CELF2: variants seen among roughly 807,000 people sequenced by gnomAD.
CELF2 encodes CUGBP Elav-like family member 2.
CELF2 carries 8 observed loss-of-function variants against 62.6 expected under a neutral mutation model. The observed-to-expected ratio is 0.13, with a 90% CI of 0.07 to 0.23. The LOEUF (loss-of-function observed/expected upper bound fraction) is 0.23, where lower values mean the gene tolerates loss of function less well. Ranked by LOEUF, CELF2 falls within the 10% of genes least tolerant of loss-of-function variation. The pLI is 1.00. For synonymous variants in CELF2, 258 were observed against 250.0 expected (o/e 1.03, Z -0.30); for missense variants, 333 against 671.0 (o/e 0.50, Z 5.56).
intron 1 of CELF2, among the ~76,000 whole-genome samples, chr10:11,065,443 A>T (rs899918829): frequency 1.3e-5 from 2 of 152,178 alleles, no homozygotes; most frequent in African/African-American, 4.8e-5. Flanking sequence ...GTAGAAATAA[A>T]TGCGGTACAC....
rs369906921 is a variant in CELF2 at position 11,246,923 on chromosome 10, G to A, written c.355-2230G>A. Among the ~76,000 whole-genome samples, 30 of 152,266 alleles carry A rather than the reference G, an allele frequency of 2.0e-4. No individual in the cohort carries two copies. Among genetic ancestry groups the A allele is most frequent in the South Asian group, 1.7e-3 (8 of 4,824 alleles). On this transcript the variant is annotated intron_variant, in intron 3 of 12. Transcript: ENST00000633077. The surrounding 1 kb of genome is among the most constrained non-coding windows in gnomAD (Gnocchi z 4.6). ...CCTTAGCATGTCCAGACCTGCGCTC[G>A]TCAGCCGCCTCTGAAACTCTTTGCT... is the stretch of plus-strand genomic sequence containing the variant.
chr10:10,914,712 A>G (rs898619021), intron 1 of CELF2, among the ~76,000 whole-genome samples: 6 of 152,190 alleles, frequency 3.9e-5, no homozygotes, highest in Non-Finnish European at 7.3e-5. Context: ...CCAAGGATAT[A>G]CAACTTATCA....
chr10:11,289,552 A>C (rs189018143), intron 9 of CELF2, among the ~76,000 whole-genome samples: 39 of 152,304 alleles, frequency 2.6e-4, no homozygotes, highest in African/African-American at 8.4e-4. Context: ...TATCTAAGAC[A>C]TTTCACCTGG....
rs11388167 is a variant in CELF2, at chr10:11,261,418, C to CTTT, written c.538+3558_538+3560dup. 4.1e-5 allele frequency among the ~76,000 whole-genome samples: 6 copies of CTTT among 146,134 alleles called. No homozygotes were observed. In the South Asian group the frequency reaches 6.5e-4, roughly 16 times the overall value. On this transcript the variant is annotated intron_variant, in intron 5 of 12. Coordinates refer to ENST00000633077, the MANE Select transcript of CELF2 (RefSeq NM_001326342.2). ...CTATACTTTCAGTCGGAATCACTGC[C>CTTT]TTTTTTTTTTTTTTGTAAGTCGTGA...
the CELF2 span, among the ~76,000 whole-genome samples, chr10:10,667,175 C>T: frequency 5.9e-5 from 9 of 152,164 alleles, no homozygotes; most frequent in African/African-American, 2.2e-4. Context: ...GAATTGGTCT[C>T]CTGGCGTTGT....
intron 2 of CELF2, among the ~76,000 whole-genome samples, chr10:10,954,209 T>C (rs944464699): frequency 2.6e-5 from 3 of 115,904 alleles, no homozygotes; most frequent in Non-Finnish European, 5.3e-5. Flanking sequence ...TTTGGCAATT[T>C]ATTTATTATT....
At chr10:11,092,359 TC>T (rs1236257819) in intron 1 of CELF2, 1 of 152,230 alleles carries the variant, frequency 6.6e-6, no homozygotes, top group African/African-American at 2.4e-5. Context: ...CACCACTTTA[TC>T]CTTGATCTCA....
rs201589354 is a variant in CELF2 at position 10,996,154 on chromosome 10, A to G, written c.89+76155A>G. Among the ~76,000 whole-genome samples the G allele has an allele frequency of 1.2e-4, 18 of 152,336 alleles. No homozygotes were observed. The East Asian group carries it at 3.5e-3, about 29-fold the overall frequency. ...GGCCAAATTCAAAGATATCTTCAAA[A>G]TCAACTTGTGCTGTTGCTTTTCTGG... On this transcript the variant is annotated intron_variant, in intron 2 of 13. Coordinates refer to the CELF2 transcript ENST00000636488.
chr10:10,870,967 C>T (rs1470733024), intron 1 of CELF2, among the ~76,000 whole-genome samples: 3 of 152,090 alleles, frequency 2.0e-5, no homozygotes, highest in Non-Finnish European at 4.4e-5. Context: ...AGGCAGTGTA[C>T]GCTCCCACCC....
intron 3 of CELF2, among the ~76,000 whole-genome samples, chr10:11,245,988 C>T (rs1217710001): frequency 6.6e-6 from 1 of 152,168 alleles, no homozygotes; most frequent in African/African-American, 2.4e-5. Context: ...TATGCAGTCA[C>T]TTATTCCCTT....
intron 1 of CELF2, among the ~76,000 whole-genome samples, chr10:11,104,155 C>A (rs2052673046): frequency 6.6e-6 from 1 of 152,064 alleles, no homozygotes; most frequent in South Asian, 2.1e-4. Flanking sequence ...TCAAATTGTA[C>A]AAGTCTATAT....
At chr10:10,625,432 G>A in the CELF2 span, among the ~76,000 whole-genome samples, 41 of 152,220 alleles carry the variant, frequency 2.7e-4, no homozygotes, top group Non-Finnish European at 5.1e-4. Context: ...CATTTTGCAC[G>A]GAAGGCAACA....
the CELF2 span, among the ~76,000 whole-genome samples, chr10:10,525,208 C>T: frequency 6.6e-6 from 1 of 152,120 alleles, no homozygotes; most frequent in South Asian, 2.1e-4. Context: ...AGTCACCACG[C>T]CATACAGTAA....
chr10:11,276,122 A>T (rs1034548633), intron 8 of CELF2, among the ~76,000 whole-genome samples: 3 of 151,930 alleles, frequency 2.0e-5, no homozygotes, highest in Admixed American at 2.0e-4. Context: ...TTTTTTAAAT[A>T]TGTATCCTTG....
chr10:11,174,727 C>T (rs893066165), intron 2 of CELF2, among the ~76,000 whole-genome samples: 8 of 152,182 alleles, frequency 5.3e-5, no homozygotes, highest in African/African-American at 1.9e-4. Flanking sequence ...GGGTCAAAAC[C>T]TGTCTCTTTA....
the CELF2 span, among the ~76,000 whole-genome samples, chr10:10,652,633 G>A: frequency 1.3e-5 from 2 of 151,470 alleles, no homozygotes; most frequent in South Asian, 4.2e-4. Flanking sequence ...AGCTTCATAA[G>A]CGAAGGAGAA....
intron 1 of CELF2, among the ~76,000 whole-genome samples, chr10:11,144,729 C>A (rs137912554): frequency 0.012 from 1,767 of 151,594 alleles, 29 homozygotes; most frequent in African/African-American, 0.04. Context: ...CCCATCTGTA[C>A]AAAACATAAA....
chr10:10,663,025 G>T, the CELF2 span, among the ~76,000 whole-genome samples: 1 of 152,206 alleles, frequency 6.6e-6, no homozygotes, highest in African/African-American at 2.4e-5. Flanking sequence ...AAATAAGATG[G>T]TGGTGGAAAG....
At chr10:11,016,646 A>G (rs926587319), upstream of CELF2, among the ~76,000 whole-genome samples, 1 of 152,204 alleles carries the variant, frequency 6.6e-6, no homozygotes, top group Non-Finnish European at 1.5e-5. This position sits in a 1 kb window ranked among gnomAD's most constrained non-coding sequence, Gnocchi z 5.2. Context: ...ACATTTAACT[A>G]TTTGTAACTT....
Sources: allele counts gnomAD v4.1 joint callset (sites outside exome capture counted in the v4.1 genomes callset), GRCh38; gene constraint gnomAD v4.1.1; non-coding constraint Gnocchi (gnomAD v3.1); transcripts MANE v1.5; gene names NCBI Gene and HGNC (gene_info 2026-07-23, HGNC 2026-07-21).